The following CLCF1 variants were observed in gnomAD, a reference collection of about 807,000 sequenced individuals.
CLCF1 encodes the protein cardiotrophin-like cytokine factor 1.
Under a neutral mutation model 21.2 loss-of-function variants are expected in CLCF1, and 10 were observed. The observed-to-expected ratio is 0.47, with a 90% confidence interval of 0.29 to 0.80. The LOEUF (loss-of-function observed/expected upper bound fraction) is 0.80. Among genes scored for constraint, CLCF1 ranks in the 30% least tolerant of loss-of-function variants. The pLI is 0.09. For missense variants in CLCF1, 240 were observed against 293.4 expected (o/e 0.82, Z 1.33); for synonymous variants, 115 against 120.5 (o/e 0.95, Z 0.30).
intron 1 of CLCF1, chr11:67,371,074 C>CT: frequency 6.1e-6 from 6 of 984,876 alleles, no homozygotes; most frequent in Non-Finnish European, 6.0e-6. Flanking sequence ...GAGGAGTGGG[C>CT]TAGGGATGGA....
intron 1 of CLCF1, chr11:67,370,854 G>A (rs1039256139): frequency 1.3e-5 from 13 of 985,248 alleles, no homozygotes; most frequent in Non-Finnish European, 1.3e-5. Context: ...CTGCACCTGG[G>A]ACTATAAGAG....
In CLCF1 at chr11:67,370,302, G is replaced by C. The variant is rs1036727953; in HGVS notation, c.17-2676C>G. On this transcript the variant is annotated intron_variant, in intron 1 of 2. Transcript: ENST00000312438. ...AGGAGAGTGCGTGGTGGGCTTCCTG[G>C]AGCCCTCATCCATCCTCCCTCAGGC... 3.0e-6 allele frequency: 3 copies of C among 985,012 alleles called. No homozygotes were observed. The African/African-American group carries it at 5.2e-5, about 17-fold the overall frequency. The allele number at this position is 985,012 out of a possible 1,614,324, so 61.0% of individuals were successfully genotyped here.
intron 1 of CLCF1, chr11:67,370,869 G>A (rs1439760247): frequency 3.0e-6 from 3 of 985,210 alleles, no homozygotes; most frequent in South Asian, 4.7e-5. Context: ...TAAGAGCTAC[G>A]CTAAGAACTG....
rs542423523 is a variant in CLCF1, at chr11:67,372,205, C to T, written c.16+1319G>A. Among the ~76,000 whole-genome samples, 1 of 152,184 alleles carries T rather than the reference C, an allele frequency of 6.6e-6. No individual in the cohort carries two copies. Reference sequence around the variant, plus strand: ...AGAGCAGCGTGCCCAGTGCCCCCCACCCCTAGCCTCTCTCCAAGGCTTAGC... The same window carrying T: ...AGAGCAGCGTGCCCAGTGCCCCCCATCCCTAGCCTCTCTCCAAGGCTTAGC... On this transcript the variant is annotated intron_variant, in intron 1 of 2. Transcript: ENST00000312438. The surrounding 1 kb of genome is among the most constrained non-coding windows in gnomAD (Gnocchi z 5.9).
At chr11:67,367,859 T>C (rs1862148488) in intron 1 of CLCF1, 1 of 985,444 alleles carries the variant, frequency 1.0e-6, no homozygotes, top group Non-Finnish European at 1.2e-6. Context: ...TGTCTATCAG[T>C]AGATACTTGA....
chr11:67,366,997 G>A (rs1862113892), intron 2 of CLCF1, among the ~76,000 whole-genome samples: 1 of 152,130 alleles, frequency 6.6e-6, no homozygotes, highest in African/African-American at 2.4e-5. Context: ...CCCCCTAGGA[G>A]GCCCAGCTAG....
chr11:67,370,348 C>G, intron 1 of CLCF1: 4 of 985,294 alleles, frequency 4.1e-6, no homozygotes, highest in Non-Finnish European at 4.8e-6. Flanking sequence ...CAGGTGGACC[C>G]CGGCCACTGG....
At chr11:67,370,985 A>G (rs1016870187) in intron 1 of CLCF1, 1 of 985,312 alleles carries the variant, frequency 1.0e-6, no homozygotes, top group Non-Finnish European at 1.2e-6. Context: ...AGGCCAGACC[A>G]GGACCAGCGC....
upstream of CLCF1, chr11:67,373,678 T>G (rs1374540504): frequency 1.0e-5 from 2 of 195,196 alleles, no homozygotes; most frequent in East Asian, 3.3e-4. Context: ...CGGTTTCGGA[T>G]TTTTTTTTTT....
At chr11:67,367,237 C>G (rs538503336) in intron 2 of CLCF1, among the ~76,000 whole-genome samples, 3 of 152,084 alleles carry the variant, frequency 2.0e-5, no homozygotes, top group African/African-American at 4.8e-5. Context: ...TGGGCCAAGG[C>G]GGGTGCGAGG....
chr11:67,368,838 G>A, intron 1 of CLCF1: 1 of 984,860 alleles, frequency 1.0e-6, no homozygotes, highest in South Asian at 4.7e-5. Context: ...ATGAAGAGCA[G>A]GGCTAGTTTG....
At chr11:67,373,400 G>A (rs2134905891) in intron 1 of CLCF1, 124 bp downstream of exon 1, 4 of 477,984 alleles carry the variant, frequency 8.4e-6, no homozygotes, top group South Asian at 8.4e-5. Flanking sequence ...GCCTCCCCCG[G>A]CCCGAGCCCA....
chr11:67,369,994 A>G (rs1181485714), intron 1 of CLCF1: 2 of 985,118 alleles, frequency 2.0e-6, no homozygotes, highest in Admixed American at 1.2e-4. Context: ...TTCTGAGGTA[A>G]CTGTGTCGTT....
intron 1 of CLCF1, chr11:67,368,311 T>C (rs1243327864): frequency 5.1e-6 from 5 of 985,152 alleles, no homozygotes; most frequent in Non-Finnish European, 6.0e-6. Context: ...ACGGTGGCAG[T>C]GTGGAGGTTC....
At position 67,367,595 on chromosome 11, in the gene CLCF1, G is replaced by A; in HGVS notation, c.48C>T (p.Cys16=). 1 of 1,613,796 alleles carries A rather than the reference G, an allele frequency of 6.2e-7. No homozygotes were observed. The highest frequency in any genetic ancestry group is 1.1e-5 in the South Asian group (1 of 91,062). The change falls in exon 2 of 3, where the codon TGC becomes TGT. Residue 16 remains cysteine, a synonymous_variant. Transcript: ENST00000312438. The part of the protein sequence containing the change: ...GDSWGMLACL[C]TVLWHLPAVP... Reference sequence around the variant, plus strand: ...CTGCAGGGAGGTGCCAGAGCACCGTGCACAGGCACGCTAACATCCCCCACG... The same window carrying A: ...CTGCAGGGAGGTGCCAGAGCACCGTACACAGGCACGCTAACATCCCCCACG...
intron 1 of CLCF1, chr11:67,367,924 G>A (rs922538985): frequency 1.6e-4 from 155 of 985,308 alleles, no homozygotes; most frequent in Non-Finnish European, 1.8e-4. Context: ...CACTGTGTGT[G>A]TGCCAACATG....
At chr11:67,367,423 C>T (rs763405129) in intron 2 of CLCF1, 37 bp downstream of exon 2, 6 of 1,613,950 alleles carry the variant, frequency 3.7e-6, no homozygotes, top group Non-Finnish European at 5.1e-6. Context: ...ACTCCTCACT[C>T]CTCCCCAACT....
intron 1 of CLCF1, chr11:67,370,047 C>T (rs963996667): frequency 1.1e-5 from 11 of 985,082 alleles, no homozygotes; most frequent in African/African-American, 1.8e-5. Context: ...AAGGATCCGA[C>T]GGCCCACAGA....
intron 1 of CLCF1, chr11:67,370,599 G>C (rs1359787063): frequency 1.1e-6 from 1 of 948,722 alleles, no homozygotes; most frequent in Non-Finnish European, 1.2e-6. Flanking sequence ...AGGAACCAAG[G>C]CTCTCCTCAT....
Sources: allele counts gnomAD v4.1 joint callset (sites outside exome capture counted in the v4.1 genomes callset), GRCh38; gene constraint gnomAD v4.1.1; non-coding constraint Gnocchi (gnomAD v3.1); transcripts MANE v1.5; gene names NCBI Gene and HGNC (gene_info 2026-07-23, HGNC 2026-07-21).